The following SLCO5A1 variants were observed in gnomAD, a reference collection of about 807,000 sequenced individuals.
SLCO5A1 encodes solute carrier organic anion transporter family member 5A1, also known as organic anion transporter polypeptide-related protein 4.
Under a neutral mutation model 65.1 loss-of-function variants are expected in SLCO5A1, and 39 were observed. The observed-to-expected ratio is 0.60, with a 90% CI of 0.46 to 0.78. SLCO5A1 has a LOEUF of 0.78. SLCO5A1 is among the 30% of genes least tolerant of loss of function. SLCO5A1 has a pLI of 0.00. For missense variants in SLCO5A1, 1,029 were observed against 1,069.4 expected (o/e 0.96, Z 0.53); for synonymous variants, 438 against 415.7 (o/e 1.05, Z -0.65).
chr8:69,772,293 G>A (rs911780730), intron 2 of SLCO5A1, among the ~76,000 whole-genome samples: 6 of 152,090 alleles, frequency 3.9e-5, no homozygotes, highest in African/African-American at 1.2e-4. Context: ...GGTCAAGGCA[G>A]GAGGATCATT....
chr8:69,820,032 G>A (rs1472697639), intron 2 of SLCO5A1, among the ~76,000 whole-genome samples: 1 of 152,250 alleles, frequency 6.6e-6, no homozygotes, highest in Non-Finnish European at 1.5e-5. Flanking sequence ...CATGACTGGT[G>A]TGGTCGATAT....
intron 5 of SLCO5A1, among the ~76,000 whole-genome samples, chr8:69,737,756 A>T (rs1236778895): frequency 6.6e-6 from 1 of 152,192 alleles, no homozygotes; most frequent in Non-Finnish European, 1.5e-5. Flanking sequence ...TTTAAATTTG[A>T]ATGTCATTGC....
At chr8:69,726,676 T>C (rs1022271465) in intron 5 of SLCO5A1, among the ~76,000 whole-genome samples, 1 of 152,090 alleles carries the variant, frequency 6.6e-6, no homozygotes, top group Non-Finnish European at 1.5e-5. Context: ...ACTTTTATAC[T>C]TTTAGTAGAG....
intron 6 of SLCO5A1, among the ~76,000 whole-genome samples, chr8:69,690,829 G>A (rs1180233845): frequency 6.6e-6 from 1 of 152,150 alleles, no homozygotes; most frequent in East Asian, 1.9e-4. Flanking sequence ...CCCTGGAGAA[G>A]TTTCAGCTCA....
At chr8:69,827,012 C>A (rs555228266) in intron 2 of SLCO5A1, among the ~76,000 whole-genome samples, 12 of 151,900 alleles carry the variant, frequency 7.9e-5, no homozygotes, top group African/African-American at 2.9e-4. Flanking sequence ...ATGGATGAAG[C>A]TGGAAATCAT....
chr8:69,734,098 C>T (rs1385238898), intron 5 of SLCO5A1, among the ~76,000 whole-genome samples: 2 of 152,188 alleles, frequency 1.3e-5, no homozygotes, highest in African/African-American at 4.8e-5. Flanking sequence ...ATGCCCTCGT[C>T]AGACATTGGT....
At chr8:69,692,192 T>C (rs1814292514) in intron 6 of SLCO5A1, among the ~76,000 whole-genome samples, 1 of 152,130 alleles carries the variant, frequency 6.6e-6, no homozygotes, top group Non-Finnish European at 1.5e-5. Context: ...GAGCTTGCAG[T>C]GAGCCAAGAT....
In SLCO5A1 at chr8:69,700,799, T is replaced by C. The variant is rs575359670; in HGVS notation, c.1622+4232A>G. 7.2e-5 allele frequency among the ~76,000 whole-genome samples: 11 copies of C among 151,840 alleles called. 1 individual carries two copies. In the South Asian group the frequency reaches 1.0e-3, roughly 14 times the overall value. Reference sequence around the variant, plus strand: ...TTTCAGCCACCTTGGCAATCAAATGTAACGGTGTGTATGTGTGTGTATATA... The same window carrying C: ...TTTCAGCCACCTTGGCAATCAAATGCAACGGTGTGTATGTGTGTGTATATA... On this transcript the variant is annotated intron_variant, in intron 6 of 9. Coordinates refer to ENST00000260126, the MANE Select transcript of SLCO5A1 (RefSeq NM_030958.3).
At chr8:69,739,878 A>G (rs1816721585) in intron 4 of SLCO5A1, among the ~76,000 whole-genome samples, 3 of 152,206 alleles carry the variant, frequency 2.0e-5, no homozygotes, top group Admixed American at 1.3e-4. Context: ...TTACCTATCA[A>G]CATTTAAAGA....
chr8:69,735,664 G>T (rs1471796020), intron 5 of SLCO5A1, among the ~76,000 whole-genome samples: 1 of 152,150 alleles, frequency 6.6e-6, no homozygotes, highest in African/African-American at 2.4e-5. Flanking sequence ...ACTGGGGTCT[G>T]TTGTGGGATT....
chr8:69,706,942 G>T (rs1308449359), intron 5 of SLCO5A1, among the ~76,000 whole-genome samples: 1 of 152,170 alleles, frequency 6.6e-6, no homozygotes, highest in Non-Finnish European at 1.5e-5. Flanking sequence ...GAGGTCAGGA[G>T]TTCGAGACCA....
chr8:69,716,887 C>A (rs961401647), intron 5 of SLCO5A1, among the ~76,000 whole-genome samples: 7 of 151,744 alleles, frequency 4.6e-5, no homozygotes, highest in African/African-American at 1.7e-4. Flanking sequence ...CCAAGCAATT[C>A]TCCCTCCTCA....
intron 2 of SLCO5A1, among the ~76,000 whole-genome samples, chr8:69,784,811 A>AAGAAAAAGAAAGAAAGAAAGAAAG (rs1554620797): frequency 2.8e-5 from 2 of 70,950 alleles, no homozygotes; most frequent in African/African-American, 7.8e-5. Flanking sequence ...GAAAGAAAGA[A>AAGAAAAAGAAAGAAAGAAAGAAAG]AAAGAAAGAA....
chr8:69,669,522 A>C lies in SLCO5A1; in HGVS notation c.*3347T>G, dbSNP rs577926411. 1.2e-4 allele frequency: 19 copies of C among 152,332 alleles called. 1 individual carries two copies. Among genetic ancestry groups the C allele is most frequent in the African/African-American group, 4.6e-4 (19 of 41,576 alleles). The allele number at this position is 152,332 out of a possible 1,614,324, so 9.4% of individuals were successfully genotyped here. A position where few individuals can be genotyped will look rare whatever the true frequency, so the allele number is the denominator to read the frequency against. On this transcript the variant is annotated 3_prime_UTR_variant, in exon 10 of 10. Transcript: ENST00000260126. ...TTGGTTTCATATGTTTTTTAAAAAA[A>C]TAATAAAATCAGCCGGGCATGGTGG...
chr8:69,667,852 C>T lies in SLCO5A1; in HGVS notation c.*5017G>A, dbSNP rs1813224969. 1 of 152,200 alleles carries T rather than the reference C, an allele frequency of 6.6e-6. No individual in the cohort carries two copies. Among genetic ancestry groups the T allele is most frequent in the Non-Finnish European group, 1.5e-5 (1 of 68,032 alleles). 9.4% of individuals were successfully genotyped at this position (152,200 alleles called of 1,614,324 possible). A position where few individuals can be genotyped will look rare whatever the true frequency, so the allele number is the denominator to read the frequency against. On this transcript the variant is annotated 3_prime_UTR_variant, in exon 10 of 10. Coordinates refer to ENST00000260126, the MANE Select transcript of SLCO5A1 (RefSeq NM_030958.3). Reference sequence around the variant, plus strand: ...GAGTATTCCATAGAAAAGTATCCCCCCTTTCACGCTTCATTTTTGCAGCAT... The same window carrying T: ...GAGTATTCCATAGAAAAGTATCCCCTCTTTCACGCTTCATTTTTGCAGCAT...
chr8:69,695,847 A>T (rs1351251902), intron 6 of SLCO5A1, among the ~76,000 whole-genome samples: 2 of 152,236 alleles, frequency 1.3e-5, no homozygotes, highest in African/African-American at 4.8e-5. Context: ...TTCATTCTTC[A>T]TAACTTCACC....
chr8:69,692,095 G>A (rs1013304005), intron 6 of SLCO5A1, among the ~76,000 whole-genome samples: 16 of 152,042 alleles, frequency 1.1e-4, no homozygotes. Flanking sequence ...AAAAATACAA[G>A]AAAATTAGCT....
rs1441074742 is a variant in SLCO5A1 at position 69,832,316 on chromosome 8, G to A, written c.358C>T (p.Leu120Phe). 6 of 1,614,114 alleles carry A rather than the reference G, an allele frequency of 3.7e-6. No individual in the cohort carries two copies. Among genetic ancestry groups the A allele is most frequent in the African/African-American group, 1.3e-5 (1 of 74,938 alleles). ...ALAMLQERRC[L>F]YVVLTDSRCF... ...CGGGAATCCGTGAGGACCACGTAGA[G>A]GCACCTTCTCTCCTGGAGCATGGCC... The change falls in exon 2 of 10, where the codon CTC becomes TTC. Residue 120 changes from leucine (L) to phenylalanine (F), a missense_variant. Leu to Phe is a conservative substitution (Grantham distance 22). This residue lies in a region of SLCO5A1 where 647 missense variants were observed against 647.5 expected (regional missense o/e 1.00). Transcript: ENST00000260126. This position sits in a 1 kb window ranked among gnomAD's most constrained non-coding sequence, Gnocchi z 4.5.
intron 9 of SLCO5A1, among the ~76,000 whole-genome samples, chr8:69,673,897 G>A (rs11787145): frequency 0.14 from 21,589 of 152,140 alleles, 1,663 homozygotes; most frequent in South Asian, 0.18. Context: ...TTATATATAT[G>A]AAGGAACTTT....
Sources: allele counts gnomAD v4.1 joint callset (sites outside exome capture counted in the v4.1 genomes callset), GRCh38; gene constraint gnomAD v4.1.1; regional missense constraint gnomAD v4.1.1; non-coding constraint Gnocchi (gnomAD v3.1); transcripts MANE v1.5; gene names NCBI Gene and HGNC (gene_info 2026-07-23, HGNC 2026-07-21).